Variants in CSMD1 observed in about 807,000 individuals in gnomAD.
The protein encoded by CSMD1 is CUB and sushi domain-containing protein 1.
A neutral mutation model predicts 417.5 loss-of-function variants in CSMD1; 213 were observed. The ratio of observed to expected loss-of-function variants is 0.51; its 90% CI spans 0.46 to 0.57. CSMD1 has a LOEUF of 0.57. Ranked by LOEUF, CSMD1 falls within the 20% of genes least tolerant of loss-of-function variation. The pLI is 0.00. For missense variants in CSMD1, 6,923 were observed against 4,529.7 expected (o/e 1.53, Z -15.17); for synonymous variants, 2,862 against 1,736.8 (o/e 1.65, Z -16.11).
chr8:3,218,955 G>A (rs113099817), intron 29 of CSMD1, among the ~76,000 whole-genome samples: 15 of 152,098 alleles, frequency 9.9e-5, no homozygotes, highest in South Asian at 4.2e-4. Context: ...GTTAAAACCC[G>A]TCTTAAAATA....
chr8:3,807,790 C>T (rs1306561704), intron 5 of CSMD1, among the ~76,000 whole-genome samples: 1 of 152,154 alleles, frequency 6.6e-6, no homozygotes, highest in East Asian at 1.9e-4. Flanking sequence ...TCTAGATTGT[C>T]ATTCAGGCAG....
At chr8:3,613,871 T>C (rs1288195042) in intron 8 of CSMD1, among the ~76,000 whole-genome samples, 1 of 152,096 alleles carries the variant, frequency 6.6e-6, no homozygotes, top group Non-Finnish European at 1.5e-5. Context: ...AAGGCAGAGA[T>C]GTCTCACCAT....
At chr8:4,641,440 T>C (rs367869281) in intron 1 of CSMD1, among the ~76,000 whole-genome samples, 102 of 152,286 alleles carry the variant, frequency 6.7e-4, no homozygotes, top group African/African-American at 2.2e-3. Flanking sequence ...ACTTCAGTCA[T>C]TTTTAAATTC....
chr8:3,394,012 T>TAAATTTTATATATATATA (rs1554536992), intron 17 of CSMD1, among the ~76,000 whole-genome samples: 3 of 31,622 alleles, frequency 9.5e-5, no homozygotes, highest in African/African-American at 1.2e-4. Context: ...AAAAAATAAA[T>TAAATTTTATATATATATA]TATATATATA....
At chr8:3,581,689 T>C (rs1424412718) in intron 9 of CSMD1, among the ~76,000 whole-genome samples, 1 of 152,240 alleles carries the variant, frequency 6.6e-6, no homozygotes, top group East Asian at 1.9e-4. Context: ...GGGCATTTTA[T>C]TGCATTTCAT....
chr8:4,242,032 C>A (rs957268166), intron 3 of CSMD1, among the ~76,000 whole-genome samples: 6 of 152,056 alleles, frequency 3.9e-5, no homozygotes, highest in African/African-American at 1.4e-4. Context: ...GTTTTAATAC[C>A]TTTTGACTTT....
chr8:3,242,481 G>T (rs927576752), intron 26 of CSMD1, among the ~76,000 whole-genome samples: 2 of 152,050 alleles, frequency 1.3e-5, no homozygotes, highest in Non-Finnish European at 2.9e-5. Context: ...CAGACCATTT[G>T]CCCATTCTAT....
chr8:3,372,286 G>C (rs891228641), intron 18 of CSMD1, among the ~76,000 whole-genome samples: 2 of 152,140 alleles, frequency 1.3e-5, no homozygotes, highest in Non-Finnish European at 2.9e-5. Flanking sequence ...TGGAGCTGCA[G>C]GGACAGGGAA....
At chr8:3,339,303 A>G (rs1297565236) in intron 23 of CSMD1, among the ~76,000 whole-genome samples, 1 of 151,894 alleles carries the variant, frequency 6.6e-6, no homozygotes, top group Non-Finnish European at 1.5e-5. Flanking sequence ...CCTTCACTTC[A>G]AGCCTCTGTT....
At chr8:3,069,526 A>C (rs1047187814) in intron 49 of CSMD1, among the ~76,000 whole-genome samples, 4 of 152,090 alleles carry the variant, frequency 2.6e-5, no homozygotes, top group Non-Finnish European at 5.9e-5. Context: ...TAAACCTCCC[A>C]AATAACTTCC....
At chr8:4,182,329 C>A (rs1798425786) in intron 3 of CSMD1, among the ~76,000 whole-genome samples, 2 of 152,064 alleles carry the variant, frequency 1.3e-5, no homozygotes, top group South Asian at 2.1e-4. Context: ...TAAATTTATT[C>A]TTGTAATCCC....
intron 5 of CSMD1, among the ~76,000 whole-genome samples, chr8:3,778,459 C>T (rs572453262): frequency 2.6e-5 from 4 of 152,356 alleles, no homozygotes; most frequent in East Asian, 1.9e-4. Context: ...AAGGTGCCCT[C>T]GCCTTACAAG....
At chr8:4,670,622 T>A (rs971683732) in intron 1 of CSMD1, among the ~76,000 whole-genome samples, 4 of 152,202 alleles carry the variant, frequency 2.6e-5, no homozygotes, top group Admixed American at 2.6e-4. Context: ...ATTTTGATAA[T>A]ATCACTATGC....
chr8:4,988,498 A>G (rs1270692172), intron 1 of CSMD1, among the ~76,000 whole-genome samples: 1 of 152,174 alleles, frequency 6.6e-6, no homozygotes, highest in Non-Finnish European at 1.5e-5. Context: ...GAAATTTTAG[A>G]TGGGGATAAA....
At chr8:3,715,271 G>A (rs1293093628) in intron 6 of CSMD1, among the ~76,000 whole-genome samples, 2 of 152,114 alleles carry the variant, frequency 1.3e-5, no homozygotes, top group African/African-American at 2.4e-5. Flanking sequence ...GCTAATTATT[G>A]TTAACGTGTG....
chr8:3,786,109 G>C (rs1383954), intron 5 of CSMD1, among the ~76,000 whole-genome samples: 21,412 of 152,094 alleles, frequency 0.14, 1,612 homozygotes, highest in African/African-American at 0.18. Context: ...CGTGTAGTTT[G>C]TGAATCAAAT....
chr8:4,570,247 A>T (rs1798818730), intron 2 of CSMD1, among the ~76,000 whole-genome samples: 1 of 152,112 alleles, frequency 6.6e-6, no homozygotes, highest in Non-Finnish European at 1.5e-5. Flanking sequence ...CCAGCTTTTG[A>T]CCATTCTGTA....
intron 1 of CSMD1, among the ~76,000 whole-genome samples, chr8:4,759,670 T>G (rs1317883740): frequency 6.6e-6 from 1 of 152,108 alleles, no homozygotes; most frequent in Non-Finnish European, 1.5e-5. Flanking sequence ...TGGTGTTTGG[T>G]TTTCGGTTGC....
chr8:3,470,574 C>T (rs1283436113), intron 11 of CSMD1, among the ~76,000 whole-genome samples: 1 of 152,098 alleles, frequency 6.6e-6, no homozygotes. Flanking sequence ...AAATACGTCA[C>T]ATGTCTCGGC....
Sources: allele counts gnomAD v4.1 joint callset (sites outside exome capture counted in the v4.1 genomes callset), GRCh38; gene constraint gnomAD v4.1.1; transcripts MANE v1.5; gene names NCBI Gene and HGNC (gene_info 2026-07-23, HGNC 2026-07-21).